Variants in NDUFS4 observed in about 807,000 individuals in gnomAD.
The protein encoded by NDUFS4 is NADH dehydrogenase [ubiquinone] iron-sulfur protein 4, mitochondrial.
In NDUFS4, 28 loss-of-function variants were observed where a neutral mutation model predicts 24.3. That is an observed-to-expected ratio of 1.15 (90% CI 0.85 to 1.58). The LOEUF (loss-of-function observed/expected upper bound fraction) is 1.58, where lower values mean the gene tolerates loss of function less well. NDUFS4 is among the 40% of genes most tolerant of loss of function. The probability of loss-of-function intolerance (pLI) is 0.00; values close to 1 mark genes in which losing one functional copy is unlikely to be tolerated. For missense variants in NDUFS4, 223 were observed against 207.9 expected (o/e 1.07, Z -0.45); for synonymous variants, 93 against 69.7 (o/e 1.34, Z -1.67).
intron 2 of NDUFS4, among the ~76,000 whole-genome samples, chr5:53,605,479 A>G (rs1354339324): frequency 6.6e-6 from 1 of 152,212 alleles, no homozygotes; most frequent in Non-Finnish European, 1.5e-5. Context: ...GAGTGCTATG[A>G]AGCATACAAG....
In NDUFS4 at chr5:53,646,373, ATGGG is replaced by A. The variant is rs767393290; in HGVS notation, c.319_322del (p.Trp107LysfsTer4). On this transcript the variant is annotated frameshift_variant, in exon 3 of 5. Transcript: ENST00000296684. LOFTEE classifies it high-confidence loss of function. The stretch of plus-strand genomic sequence containing the variant: ...AGATGGAGTTTGATACCAGAGAGCG[ATGGG>A]AAAATCCTTTGATGGGTTGGGCATC... 7.4e-6 allele frequency: 12 copies of A among 1,613,746 alleles called. No homozygotes were observed. The highest frequency in any genetic ancestry group is 7.6e-6 in the Non-Finnish European group (9 of 1,179,794).
chr5:53,560,655 G>A lies in NDUFS4; in HGVS notation c.-8G>A, dbSNP rs1748797958. ...CGTCCTTTCATCCTGGCGTTTGCCT[G>A]CAGCAAGATGGCGGCGGTGTCAATG... On this transcript the variant is annotated 5_prime_UTR_variant, in exon 1 of 5. Transcript: ENST00000296684. The A allele has an allele frequency of 1.9e-6, 3 of 1,614,132 alleles. No homozygotes were observed. Among genetic ancestry groups the A allele is most frequent in the South Asian group, 2.2e-5 (2 of 91,088 alleles).
chr5:53,641,666 GTAAA>G (rs1234892978), intron 2 of NDUFS4, among the ~76,000 whole-genome samples: 1 of 152,098 alleles, frequency 6.6e-6, no homozygotes, highest in East Asian at 1.9e-4. Flanking sequence ...TCCACAGTAA[GTAAA>G]TAGATATGAT....
At chr5:53,664,529 T>C (rs1378229696) in intron 4 of NDUFS4, among the ~76,000 whole-genome samples, 2 of 152,206 alleles carry the variant, frequency 1.3e-5, no homozygotes, top group East Asian at 3.9e-4. Flanking sequence ...TTTGTTCGTT[T>C]CTTTTTATTC....
chr5:53,588,703 T>C (rs1287881618), intron 1 of NDUFS4, among the ~76,000 whole-genome samples: 1 of 152,208 alleles, frequency 6.6e-6, no homozygotes, highest in Non-Finnish European at 1.5e-5. Flanking sequence ...AATACACCAC[T>C]CTTAGGCACT....
intron 2 of NDUFS4, among the ~76,000 whole-genome samples, chr5:53,616,970 T>C (rs954094242): frequency 1.3e-5 from 2 of 152,194 alleles, no homozygotes; most frequent in African/African-American, 4.8e-5. Flanking sequence ...TTGAAATTGC[T>C]TTTTGAGAAA....
At chr5:53,661,514 G>A (rs1355173089) in intron 4 of NDUFS4, among the ~76,000 whole-genome samples, 4 of 152,130 alleles carry the variant, frequency 2.6e-5, no homozygotes, top group African/African-American at 9.7e-5. Flanking sequence ...GAAGTTTAAA[G>A]TAGTTTTTTC....
chr5:53,593,340 T>G (rs1750033773), intron 1 of NDUFS4, among the ~76,000 whole-genome samples: 1 of 152,000 alleles, frequency 6.6e-6, no homozygotes, highest in Non-Finnish European at 1.5e-5. Context: ...TATTTCCCTG[T>G]TTTTTTAATG....
chr5:53,612,850 G>A (rs919532202), intron 2 of NDUFS4, among the ~76,000 whole-genome samples: 2 of 151,962 alleles, frequency 1.3e-5, no homozygotes, highest in East Asian at 1.9e-4. Context: ...TTTATTACTC[G>A]AACTTATTCT....
At chr5:53,635,544 A>G (rs1751526664) in intron 2 of NDUFS4, among the ~76,000 whole-genome samples, 1 of 152,118 alleles carries the variant, frequency 6.6e-6, no homozygotes, top group African/African-American at 2.4e-5. Context: ...AGTAAAAATA[A>G]AAAAGAATCC....
At chr5:53,663,200 T>G (rs1431459595) in intron 4 of NDUFS4, among the ~76,000 whole-genome samples, 2 of 152,222 alleles carry the variant, frequency 1.3e-5, no homozygotes, top group Non-Finnish European at 2.9e-5. Context: ...TTGTTATAAT[T>G]TGTTATAATT....
chr5:53,612,543 A>T (rs1750729279), intron 2 of NDUFS4, among the ~76,000 whole-genome samples: 1 of 152,068 alleles, frequency 6.6e-6, no homozygotes, highest in East Asian at 1.9e-4. Context: ...CACTCTAATA[A>T]TATCTTTATT....
At chr5:53,637,566 G>A (rs981586047) in intron 2 of NDUFS4, among the ~76,000 whole-genome samples, 5 of 151,860 alleles carry the variant, frequency 3.3e-5, no homozygotes, top group Non-Finnish European at 7.4e-5. Context: ...TTCCATTTTT[G>A]TTTATAAAAG....
intron 3 of NDUFS4, among the ~76,000 whole-genome samples, chr5:53,648,006 G>A (rs553697462): frequency 6.6e-6 from 1 of 152,158 alleles, no homozygotes; most frequent in African/African-American, 2.4e-5. Context: ...AAATACAAAT[G>A]TACTTCCACA....
At chr5:53,643,772 C>T (rs955466528) in intron 2 of NDUFS4, among the ~76,000 whole-genome samples, 5 of 152,118 alleles carry the variant, frequency 3.3e-5, no homozygotes, top group African/African-American at 4.8e-5. Flanking sequence ...TGCCAAGCCT[C>T]TTTATTCTGT....
chr5:53,666,008 G>C (rs1752502865), intron 4 of NDUFS4, among the ~76,000 whole-genome samples: 1 of 152,160 alleles, frequency 6.6e-6, no homozygotes, highest in Non-Finnish European at 1.5e-5. Context: ...TTTTTAAAAA[G>C]AGGTTCTTAA....
chr5:53,594,444 A>G (rs1426267949), intron 1 of NDUFS4, among the ~76,000 whole-genome samples: 2 of 152,002 alleles, frequency 1.3e-5, no homozygotes, highest in Non-Finnish European at 2.9e-5. Context: ...GTTTCTTTTC[A>G]GTAATATGTA....
intron 3 of NDUFS4, among the ~76,000 whole-genome samples, chr5:53,651,892 C>T (rs892567202): frequency 2.6e-5 from 4 of 151,756 alleles, no homozygotes; most frequent in African/African-American, 7.3e-5. Flanking sequence ...TCTGCCTCAG[C>T]CTCCCAAGTA....
Position 53,619,019 on chromosome 5 carries a change from C to G in NDUFS4, c.177+15489C>G, listed in dbSNP as rs200288742. On this transcript the variant is annotated intron_variant, in intron 2 of 4. Coordinates refer to ENST00000296684, the MANE Select transcript of NDUFS4 (RefSeq NM_002495.4). ...GTCACAGCTACTCAGGCGGCTGAGACATGAAAATTGCTTGAACCCGGGAGG... is the reference window on the plus strand; with the variant it reads ...GTCACAGCTACTCAGGCGGCTGAGAGATGAAAATTGCTTGAACCCGGGAGG... 3.3e-5 allele frequency among the ~76,000 whole-genome samples: 5 copies of G among 151,904 alleles called. No homozygotes were observed. The East Asian group carries it at 9.7e-4, about 30-fold the overall frequency.
Sources: allele counts gnomAD v4.1 joint callset (sites outside exome capture counted in the v4.1 genomes callset), GRCh38; gene constraint gnomAD v4.1.1; transcripts MANE v1.5; gene names NCBI Gene and HGNC (gene_info 2026-07-23, HGNC 2026-07-21).